The following CCDC170 variants were observed in gnomAD, a reference collection of about 807,000 sequenced individuals.
CCDC170 encodes coiled-coil domain-containing protein 170.
Under a neutral mutation model 72.6 loss-of-function variants are expected in CCDC170, and 69 were observed. That is an observed-to-expected ratio of 0.95 (90% CI 0.78 to 1.16). The LOEUF is 1.16. CCDC170 is among the 50% of genes most tolerant of loss of function. The pLI, the probability that CCDC170 is intolerant of heterozygous loss-of-function variation, is 0.00. For synonymous variants in CCDC170, 300 were observed against 303.9 expected, an observed-to-expected ratio of 0.99 and a Z score of 0.13; for missense variants, 852 against 832.5, an observed-to-expected ratio of 1.02 and a Z score of -0.29.
intron 1 of CCDC170, among the ~76,000 whole-genome samples, chr6:151,520,449 G>A (rs1352881794): frequency 1.3e-5 from 2 of 152,234 alleles, no homozygotes; most frequent in African/African-American, 4.8e-5. Context: ...AGCTGTCCTT[G>A]TTCCTTCCTA....
At chr6:151,577,849 C>A (rs867838470) in intron 6 of CCDC170, among the ~76,000 whole-genome samples, 2 of 152,178 alleles carry the variant, frequency 1.3e-5, no homozygotes, top group African/African-American at 4.8e-5. Context: ...ATCTAGGTTG[C>A]GTGCATCTTA....
chr6:151,614,621 AC>A (rs565385493), intron 9 of CCDC170, among the ~76,000 whole-genome samples: 180 of 139,354 alleles, frequency 1.3e-3, no homozygotes, highest in South Asian at 4.0e-3. Context: ...TGGCTGGCTA[AC>A]TTTTGTATTT....
intron 1 of CCDC170, among the ~76,000 whole-genome samples, chr6:151,494,892 C>G (rs1429534010): frequency 1.3e-5 from 2 of 152,198 alleles, no homozygotes; most frequent in Non-Finnish European, 2.9e-5. Context: ...TTAAGAATCC[C>G]CCTTTGGCCT....
At chr6:151,587,745 T>C (rs538648623) in intron 7 of CCDC170, among the ~76,000 whole-genome samples, 1 of 152,142 alleles carries the variant, frequency 6.6e-6, no homozygotes, top group South Asian at 2.1e-4. Context: ...CTTAGTGCAA[T>C]AGTACAATGG....
At chr6:151,560,544 A>G (rs1451040073) in intron 5 of CCDC170, among the ~76,000 whole-genome samples, 1 of 152,092 alleles carries the variant, frequency 6.6e-6, no homozygotes, top group Non-Finnish European at 1.5e-5. Flanking sequence ...TGATCTGCCT[A>G]TTGCTGTCAA....
At chr6:151,589,582 C>A (rs1297770955) in intron 7 of CCDC170, among the ~76,000 whole-genome samples, 1 of 152,092 alleles carries the variant, frequency 6.6e-6, no homozygotes, top group Admixed American at 6.6e-5. Context: ...CTATATCCAG[C>A]AGCTGTGCTT....
Position 151,548,328 on chromosome 6 carries a change from GA to G in CCDC170, c.615del (p.Glu205AspfsTer3). 1 of 1,592,996 alleles carries G rather than the reference GA, an allele frequency of 6.3e-7. No homozygotes were observed. Among genetic ancestry groups the G allele is most frequent in the Non-Finnish European group, 8.6e-7 (1 of 1,168,822 alleles). On this transcript the variant is annotated frameshift_variant, in exon 5 of 11. Transcript: ENST00000239374. LOFTEE classifies it high-confidence loss of function. ...LKLRDLRKEN[E>X]FVKGQIVILE... ...GCTTAGAGACCTGCGCAAAGAAAAT[GA>G]ATTCGTGAAAGGACAAATTGTTATT... is the stretch of plus-strand genomic sequence containing the variant.
intron 9 of CCDC170, among the ~76,000 whole-genome samples, chr6:151,604,541 C>A: frequency 6.6e-6 from 1 of 152,258 alleles, no homozygotes; most frequent in East Asian, 1.9e-4. Context: ...GTTAACAATA[C>A]TTTATTGTAT....
In CCDC170 at chr6:151,538,115, G is replaced by C. The variant is rs1782622510; in HGVS notation, c.257G>C (p.Ser86Thr). The change falls in exon 3 of 11, where the codon AGC becomes ACC. Residue 86 changes from serine to threonine, a missense_variant. Coordinates refer to ENST00000239374, the MANE Select transcript of CCDC170 (RefSeq NM_025059.4). ...SCQELKAEME[S>T]YKENNARKSS... ...CAAGAACTGAAAGCTGAAATGGAGAGCTACAAGGAAAACAATGCCAGAAAA... is the reference window on the plus strand; with the variant it reads ...CAAGAACTGAAAGCTGAAATGGAGACCTACAAGGAAAACAATGCCAGAAAA... The C allele has an allele frequency of 6.2e-7, 1 of 1,613,802 alleles. No homozygotes were observed. Among genetic ancestry groups the C allele is most frequent in the Non-Finnish European group, 8.5e-7 (1 of 1,179,928 alleles).
At chr6:151,605,699 G>C (rs181356714) in intron 9 of CCDC170, among the ~76,000 whole-genome samples, 3 of 152,188 alleles carry the variant, frequency 2.0e-5, no homozygotes, top group Admixed American at 2.0e-4. Flanking sequence ...GTTGAGGGGA[G>C]GGGCATTGTG....
intron 1 of CCDC170, among the ~76,000 whole-genome samples, chr6:151,524,934 T>TTTC (rs1782378205): frequency 1.4e-5 from 2 of 145,892 alleles, no homozygotes; most frequent in Non-Finnish European, 3.0e-5. Flanking sequence ...TGATTCTTTT[T>TTTC]TTTTTTTTTT....
intron 7 of CCDC170, among the ~76,000 whole-genome samples, chr6:151,587,541 G>A (rs1776471946): frequency 6.6e-6 from 1 of 152,168 alleles, no homozygotes; most frequent in Non-Finnish European, 1.5e-5. Flanking sequence ...CATGAAAAAT[G>A]CCCTAAAGTT....
intron 5 of CCDC170, among the ~76,000 whole-genome samples, chr6:151,567,514 G>T (rs1286043633): frequency 6.6e-6 from 1 of 152,098 alleles, no homozygotes; most frequent in Non-Finnish European, 1.5e-5. Context: ...TTACAGGTGT[G>T]AGCCACCATA....
intron 10 of CCDC170, among the ~76,000 whole-genome samples, chr6:151,616,488 C>T (rs1776970646): frequency 6.6e-6 from 1 of 151,760 alleles, no homozygotes; most frequent in African/African-American, 2.4e-5. Flanking sequence ...CTTTGGCTGC[C>T]TCTGTTTTGG....
chr6:151,501,284 C>G (rs894197556), intron 1 of CCDC170, among the ~76,000 whole-genome samples: 3 of 151,756 alleles, frequency 2.0e-5, no homozygotes, highest in African/African-American at 7.3e-5. Context: ...AAAATGAAAA[C>G]TAAATGGCTT....
intron 1 of CCDC170, among the ~76,000 whole-genome samples, chr6:151,495,400 A>T (rs1781893731): frequency 6.6e-6 from 1 of 151,060 alleles, no homozygotes. Context: ...ATTAATATAT[A>T]TTTTTTTTGG....
intron 5 of CCDC170, among the ~76,000 whole-genome samples, chr6:151,572,778 T>C (rs1047935512): frequency 4.6e-5 from 7 of 151,316 alleles, no homozygotes; most frequent in African/African-American, 1.7e-4. Context: ...GGCTCCCGAG[T>C]AGCTGGGATT....
At chr6:151,533,631 C>T (rs1782528714) in intron 1 of CCDC170, among the ~76,000 whole-genome samples, 1 of 149,764 alleles carries the variant, frequency 6.7e-6, no homozygotes, top group Non-Finnish European at 1.5e-5. Flanking sequence ...TGTGCCATTG[C>T]ACTCTAGCCT....
intron 1 of CCDC170, among the ~76,000 whole-genome samples, chr6:151,527,437 G>A (rs1476841092): frequency 6.6e-6 from 1 of 152,116 alleles, no homozygotes; most frequent in African/African-American, 2.4e-5. Context: ...GCAGATAGAA[G>A]AAGGAAGAAA....
Sources: allele counts gnomAD v4.1 joint callset (sites outside exome capture counted in the v4.1 genomes callset), GRCh38; gene constraint gnomAD v4.1.1; transcripts MANE v1.5; gene names NCBI Gene and HGNC (gene_info 2026-07-23, HGNC 2026-07-21).